Variants in INTS7 observed in about 807,000 individuals in gnomAD.
INTS7 encodes the protein integrator complex subunit 7.
In INTS7, 46 loss-of-function variants were observed where a neutral mutation model predicts 109.2. The ratio of observed to expected loss-of-function variants is 0.42; its 90% CI spans 0.33 to 0.54. INTS7 has a LOEUF of 0.54. Ranked by LOEUF, INTS7 falls within the 20% of genes least tolerant of loss-of-function variation. The pLI, the probability that INTS7 is intolerant of heterozygous loss-of-function variation, is 0.07. For missense variants in INTS7, 929 were observed against 1,132.4 expected, an observed-to-expected ratio of 0.82 and a Z score of 2.58; for synonymous variants, 412 against 402.9, an observed-to-expected ratio of 1.02 and a Z score of -0.27.
chr1:212,013,791 C>G lies in INTS7; in HGVS notation c.510-2370G>C, dbSNP rs188930906. 1.3e-3 allele frequency among the ~76,000 whole-genome samples: 192 copies of G among 152,290 alleles called. 1 individual carries two copies. Among genetic ancestry groups the G allele is most frequent in the Admixed American group, 2.8e-3 (43 of 15,304 alleles). ...GTATTCAGTACAGAAACATGCTGTA[C>G]AGGTTTACAGCCTGGGGCAACAGGC... On this transcript the variant is annotated intron_variant, in intron 4 of 19. Coordinates refer to ENST00000366994, the MANE Select transcript of INTS7 (RefSeq NM_015434.4).
intron 3 of INTS7, among the ~76,000 whole-genome samples, chr1:212,017,686 T>C (rs973490052): frequency 2.6e-5 from 4 of 152,240 alleles, no homozygotes; most frequent in Non-Finnish European, 5.9e-5. Context: ...GCATACATTT[T>C]AGAAATTTGC....
intron 16 of INTS7, among the ~76,000 whole-genome samples, chr1:211,961,047 A>C (rs1203085513): frequency 6.6e-6 from 1 of 151,980 alleles, no homozygotes; most frequent in Non-Finnish European, 1.5e-5. Context: ...AAAAAGAATG[A>C]AAAGGAATGA....
At chr1:212,029,725 T>C (rs1317091) in intron 1 of INTS7, among the ~76,000 whole-genome samples, 2 of 152,198 alleles carry the variant, frequency 1.3e-5, no homozygotes, top group African/African-American at 2.4e-5. Flanking sequence ...ATTTGTGACA[T>C]ACATTTGCTT....
chr1:212,023,599 G>T (rs1249748326), intron 1 of INTS7, among the ~76,000 whole-genome samples: 1 of 151,860 alleles, frequency 6.6e-6, no homozygotes, highest in Admixed American at 6.6e-5. Context: ...AGGGTTATTT[G>T]GTTTTTGCTT....
Position 211,946,545 on chromosome 1 carries a change from T to C in INTS7, c.2415+62A>G, listed in dbSNP as rs370036519. ...CACTGAAGTGTAGCTATGTCCTACA[T>C]AATCTTCAGAAGACACCTGGTTTTA... is the stretch of plus-strand genomic sequence containing the variant. On this transcript the variant is annotated intron_variant, in intron 18 of 19. Coordinates refer to ENST00000366994, the MANE Select transcript of INTS7 (RefSeq NM_015434.4). This position sits in a 1 kb window ranked among gnomAD's most constrained non-coding sequence, Gnocchi z 4.3. 2.1e-6 allele frequency: 2 copies of C among 963,662 alleles called. No individual in the cohort carries two copies. Among genetic ancestry groups the C allele is most frequent in the African/African-American group, 1.6e-5 (1 of 61,518 alleles). The allele number at this position is 963,662 out of a possible 1,614,324, so 59.7% of individuals were successfully genotyped here. A position where few individuals can be genotyped will look rare whatever the true frequency, so the allele number is the denominator to read the frequency against.
chr1:211,956,670 G>T (rs1213415840), intron 16 of INTS7, among the ~76,000 whole-genome samples: 2 of 151,992 alleles, frequency 1.3e-5, no homozygotes, highest in African/African-American at 4.8e-5. Flanking sequence ...CAAAGAACCA[G>T]CTTCTGGTTT....
intron 7 of INTS7, among the ~76,000 whole-genome samples, chr1:211,994,570 C>T (rs1009119694): frequency 1.3e-5 from 2 of 151,422 alleles, no homozygotes; most frequent in African/African-American, 2.4e-5. Context: ...ATTACAGGTG[C>T]GTACCACCAC....
intron 4 of INTS7, 146 bp downstream of exon 4, chr1:212,016,740 C>T: frequency 1.6e-6 from 1 of 616,142 alleles, no homozygotes. Context: ...GTTTCCCCAA[C>T]ATAAGGTAAA....
chr1:211,941,841 C>T lies in INTS7; in HGVS notation c.2872G>A (p.Ala958Thr), dbSNP rs750762664. Residue 958 changes from alanine to threonine, a missense_variant, in exon 20 of 20, where the codon GCC (alanine) becomes ACC (threonine). Ala to Thr is a moderately conservative substitution (Grantham distance 58). Coordinates refer to ENST00000366994, the MANE Select transcript of INTS7 (RefSeq NM_015434.4). ...QPLQQQQQRNAYTRF is the reference protein window; with the variant it reads ...QPLQQQQQRNTYTRF Reference sequence around the variant, plus strand: ...TTCCATGGTTAAAACCGTGTGTAGGCATTGCGTTGCTGCTGCTGCTGTAAT... The same window carrying T: ...TTCCATGGTTAAAACCGTGTGTAGGTATTGCGTTGCTGCTGCTGCTGTAAT... 12 of 1,613,860 alleles carry T rather than the reference C, an allele frequency of 7.4e-6. No individual in the cohort carries two copies. Among genetic ancestry groups the T allele is most frequent in the Admixed American group, 3.3e-5 (2 of 60,008 alleles).
intron 4 of INTS7, among the ~76,000 whole-genome samples, chr1:212,015,059 C>T (rs879863395): frequency 4.0e-5 from 6 of 151,522 alleles, no homozygotes; most frequent in Middle Eastern, 3.4e-3. Context: ...GGAGCGCCTC[C>T]GCCCGGCAGC....
At chr1:211,989,640 GGTGAAACCCT>G (rs1665058538) in intron 7 of INTS7, among the ~76,000 whole-genome samples, 1 of 151,892 alleles carries the variant, frequency 6.6e-6, no homozygotes, top group Non-Finnish European at 1.5e-5. Context: ...TGGCCAGCAT[GGTGAAACCCT>G]GTCTCTACTA....
At chr1:211,963,132 TAAAGAG>T (rs1038002111) in intron 16 of INTS7, among the ~76,000 whole-genome samples, 2 of 151,964 alleles carry the variant, frequency 1.3e-5, no homozygotes, top group Admixed American at 1.3e-4. Flanking sequence ...GCTAGACTAA[TAAAGAG>T]AGAAGATCCA....
At chr1:212,015,935 AT>A (rs1446093797) in intron 4 of INTS7, among the ~76,000 whole-genome samples, 2 of 151,414 alleles carry the variant, frequency 1.3e-5, no homozygotes, top group South Asian at 4.2e-4. Context: ...TACGGCTTTT[AT>A]TTTTTTTAAA....
At chr1:211,977,750 T>C (rs542511139) in intron 11 of INTS7, among the ~76,000 whole-genome samples, 2 of 152,330 alleles carry the variant, frequency 1.3e-5, no homozygotes, top group South Asian at 4.1e-4. Context: ...TGTTTCTTTC[T>C]AAGCATGTAC....
Position 211,978,535 on chromosome 1 carries a change from C to T in INTS7, c.1231-24G>A, listed in dbSNP as rs370712438. ...ATCTGCACGCCAAAAAGAAAATGAACTAGTTACATTTTGAAGATACAGATG... is the reference window on the plus strand; with the variant it reads ...ATCTGCACGCCAAAAAGAAAATGAATTAGTTACATTTTGAAGATACAGATG... On this transcript the variant is annotated intron_variant, in intron 10 of 19. Coordinates refer to ENST00000366994, the MANE Select transcript of INTS7 (RefSeq NM_015434.4). 5.0e-6 allele frequency: 8 copies of T among 1,613,056 alleles called. No individual in the cohort carries two copies. In the African/African-American group the frequency reaches 9.4e-5, roughly 19 times the overall value.
chr1:211,998,406 T>A (rs951603974), intron 7 of INTS7, among the ~76,000 whole-genome samples: 15 of 152,324 alleles, frequency 9.8e-5, no homozygotes, highest in African/African-American at 3.6e-4. Context: ...TGGAAATAAA[T>A]CCATACAGAT....
intron 7 of INTS7, among the ~76,000 whole-genome samples, chr1:211,989,937 A>G (rs1665073932): frequency 6.6e-6 from 1 of 152,196 alleles, no homozygotes; most frequent in Non-Finnish European, 1.5e-5. Flanking sequence ...TCATACTTTG[A>G]ACATTTTAAA....
intron 6 of INTS7, 103 bp from the exon 7 acceptor site, chr1:212,006,864 C>T (rs1388531167): frequency 2.2e-6 from 2 of 907,160 alleles, no homozygotes; most frequent in African/African-American, 3.3e-5. Flanking sequence ...GGACTCACTT[C>T]AAATCAGAGC....
intron 16 of INTS7, among the ~76,000 whole-genome samples, chr1:211,956,904 G>A (rs552945233): frequency 1.1e-4 from 16 of 152,286 alleles, no homozygotes; most frequent in African/African-American, 3.9e-4. Flanking sequence ...GTATACATCT[G>A]TGTGGAAACA....
Sources: allele counts gnomAD v4.1 joint callset (sites outside exome capture counted in the v4.1 genomes callset), GRCh38; gene constraint gnomAD v4.1.1; non-coding constraint Gnocchi (gnomAD v3.1); transcripts MANE v1.5; gene names NCBI Gene and HGNC (gene_info 2026-07-23, HGNC 2026-07-21).